The following AFF3 variants were observed in gnomAD, a reference collection of about 807,000 sequenced individuals.
AFF3 encodes AF4/FMR2 family member 3.
Under a neutral mutation model 129.7 loss-of-function variants are expected in AFF3, and 32 were observed. The observed-to-expected ratio is 0.25, with a 90% CI of 0.19 to 0.33. The LOEUF is 0.33. AFF3 is among the 10% of genes least tolerant of loss of function. AFF3 has a pLI of 1.00. For synonymous variants in AFF3, 644 were observed against 635.4 expected (o/e 1.01, Z -0.20); for missense variants, 1,373 against 1,592.0 (o/e 0.86, Z 2.34).
At chr2:99,962,850 AAATAATAATAATAATAATAAT>A (rs70940192) in intron 7 of AFF3, among the ~76,000 whole-genome samples, 1 of 142,082 alleles carries the variant, frequency 7.0e-6, no homozygotes, top group African/African-American at 2.6e-5. Flanking sequence ...AAGAGTATTC[AAATAATAATAATAATAATAAT>A]AATAATAATA....
intron 7 of AFF3, among the ~76,000 whole-genome samples, chr2:100,002,273 A>C (rs372165969): frequency 2.6e-5 from 4 of 152,240 alleles, no homozygotes; most frequent in East Asian, 3.8e-4. Context: ...CATTTGGAAG[A>C]AATCCATTTT....
intron 8 of AFF3, among the ~76,000 whole-genome samples, chr2:99,777,089 C>T (rs986081004): frequency 2.6e-5 from 4 of 152,174 alleles, no homozygotes; most frequent in Admixed American, 6.5e-5. Context: ...GAGGGACAGG[C>T]GGTGATGCTT....
At chr2:100,131,108 A>G (rs1465691484) in intron 1 of AFF3, among the ~76,000 whole-genome samples, 1 of 152,252 alleles carries the variant, frequency 6.6e-6, no homozygotes, top group East Asian at 1.9e-4. Context: ...AGAACGGGGC[A>G]GCTTACTAAT....
At chr2:99,991,954 A>T (rs1224370396) in intron 7 of AFF3, among the ~76,000 whole-genome samples, 1 of 152,040 alleles carries the variant, frequency 6.6e-6, no homozygotes, top group Non-Finnish European at 1.5e-5. Context: ...ATAAAAAGTC[A>T]GTCTTGACAG....
chr2:99,700,133 T>C (rs1451849765), intron 11 of AFF3, among the ~76,000 whole-genome samples: 1 of 152,202 alleles, frequency 6.6e-6, no homozygotes, highest in Non-Finnish European at 1.5e-5. Flanking sequence ...CTTTTTTTTT[T>C]TTTTTGAGAC....
chr2:100,090,437 G>A (rs2105405967), intron 4 of AFF3, among the ~76,000 whole-genome samples: 1 of 152,252 alleles, frequency 6.6e-6, no homozygotes, highest in African/African-American at 2.4e-5. Context: ...TATAGGCAGT[G>A]TATTTTTAAC....
intron 7 of AFF3, among the ~76,000 whole-genome samples, chr2:99,946,254 T>C (rs1029123738): frequency 7.3e-5 from 11 of 151,026 alleles, no homozygotes; most frequent in Admixed American, 7.3e-4. Flanking sequence ...AGGCGGGTCA[T>C]TTGAGGTCAG....
intron 8 of AFF3, among the ~76,000 whole-genome samples, chr2:99,798,304 A>T (rs962474838): frequency 6.6e-6 from 1 of 151,992 alleles, no homozygotes; most frequent in Non-Finnish European, 1.5e-5. Flanking sequence ...AAATAACTCA[A>T]TGCAAAAGAA....
intron 7 of AFF3, among the ~76,000 whole-genome samples, chr2:100,003,688 A>C (rs1681667739): frequency 6.6e-6 from 1 of 152,220 alleles, no homozygotes; most frequent in South Asian, 2.1e-4. Flanking sequence ...ACTGCAAATA[A>C]TTTGCCATAG....
intron 7 of AFF3, among the ~76,000 whole-genome samples, chr2:99,883,654 T>C (rs771539608): frequency 2.0e-5 from 3 of 152,202 alleles, no homozygotes; most frequent in Non-Finnish European, 4.4e-5. Context: ...TAACATGATC[T>C]TTCTTTTATC....
At position 99,752,620 on chromosome 2, in the gene AFF3, A is replaced by T. The variant is rs140309346; in HGVS notation, c.922-319T>A. Among the ~76,000 whole-genome samples the T allele has an allele frequency of 2.0e-4, 30 of 152,328 alleles. 1 individual carries two copies. Among genetic ancestry groups the T allele is most frequent in the South Asian group, 1.7e-3 (8 of 4,824 alleles). ...TAGCAAAAGTTCTATGGAAAATGCCACATGAAGGGGACTCGGACTTGATCC... is the reference window on the plus strand; with the variant it reads ...TAGCAAAAGTTCTATGGAAAATGCCTCATGAAGGGGACTCGGACTTGATCC... On this transcript the variant is annotated intron_variant, in intron 8 of 24. Transcript: ENST00000672756.
intron 1 of AFF3, among the ~76,000 whole-genome samples, chr2:100,135,068 T>A (rs964573917): frequency 6.6e-6 from 1 of 152,078 alleles, no homozygotes; most frequent in African/African-American, 2.4e-5. Flanking sequence ...CAAGAAATGA[T>A]GAAGAGACCA....
chr2:99,781,794 A>T (rs1384686324), intron 8 of AFF3, among the ~76,000 whole-genome samples: 1 of 152,260 alleles, frequency 6.6e-6, no homozygotes, highest in Non-Finnish European at 1.5e-5. Context: ...AAGCGGATTA[A>T]GAAATATTAT....
intron 7 of AFF3, among the ~76,000 whole-genome samples, chr2:99,936,018 GAAGT>G: frequency 6.6e-6 from 1 of 152,208 alleles, no homozygotes; most frequent in African/African-American, 2.4e-5. Context: ...GAGGAGGTAG[GAAGT>G]AAGAATATAA....
chr2:99,606,895 C>A, intron 13 of AFF3, among the ~76,000 whole-genome samples: 1 of 108,908 alleles, frequency 9.2e-6, no homozygotes, highest in African/African-American at 3.7e-5. Context: ...GCCTGGGCGA[C>A]AGAGCAAGAC....
At chr2:99,581,031 C>T (rs1438134285) in intron 17 of AFF3, among the ~76,000 whole-genome samples, 1 of 152,214 alleles carries the variant, frequency 6.6e-6, no homozygotes, top group Non-Finnish European at 1.5e-5. Flanking sequence ...GTGAATCATG[C>T]ATGTGTGTGA....
chr2:99,752,331 T>A, intron 8 of AFF3, 30 bp from the exon 9 acceptor site: 1 of 1,577,652 alleles, frequency 6.3e-7, no homozygotes, highest in Non-Finnish European at 8.7e-7. Flanking sequence ...CAAACAATAT[T>A]GTGATACAGA....
chr2:100,067,952 A>G (rs1380637872), intron 4 of AFF3, among the ~76,000 whole-genome samples: 1 of 152,220 alleles, frequency 6.6e-6, no homozygotes, highest in African/African-American at 2.4e-5. Flanking sequence ...AAAATAGTTC[A>G]AACAAGATGA....
chr2:99,807,483 T>C (rs542147490), intron 8 of AFF3, among the ~76,000 whole-genome samples: 17 of 152,168 alleles, frequency 1.1e-4, no homozygotes, highest in Non-Finnish European at 2.5e-4. Context: ...GGAAAGGTCT[T>C]TTTGATATTG....
Sources: gnomAD v4.1 joint callset for allele counts (sites outside exome capture counted in the v4.1 genomes callset) on GRCh38, gnomAD v4.1.1 for gene constraint, MANE v1.5 for transcripts, NCBI Gene and HGNC (gene_info 2026-07-23, HGNC 2026-07-21) for gene names.